ADGRL3: variants seen among roughly 807,000 people sequenced by gnomAD.
ADGRL3 encodes the protein calcium-independent alpha-latrotoxin receptor 3.
ADGRL3 carries 62 observed loss-of-function variants against 153.5 expected under a neutral mutation model. The ratio of observed to expected loss-of-function variants is 0.40; its 90% CI spans 0.33 to 0.50. The LOEUF is 0.50. Ranked by LOEUF, ADGRL3 falls within the 20% of genes least tolerant of loss-of-function variation. The pLI, the probability that ADGRL3 is intolerant of heterozygous loss-of-function variation, is 0.47. For missense variants in ADGRL3, 1,641 were observed against 1,859.4 expected, an observed-to-expected ratio of 0.88 and a Z score of 2.16; for synonymous variants, 710 against 672.5, an observed-to-expected ratio of 1.06 and a Z score of -0.86.
At position 62,070,932 on chromosome 4, in the gene ADGRL3, A is replaced by G; in HGVS notation, c.*24A>G. Reference sequence around the variant, plus strand: ...AGAAGATGACACAGAAATTGGAACCAACAAAACTGCTAACACCTTGTTGAC... The same window carrying G: ...AGAAGATGACACAGAAATTGGAACCGACAAAACTGCTAACACCTTGTTGAC... On this transcript the variant is annotated 3_prime_UTR_variant, in exon 27 of 27. Transcript: ENST00000683033. 6.6e-7 allele frequency: 1 copy of G among 1,515,418 alleles called. No homozygotes were observed. 93.9% of individuals were successfully genotyped at this position (1,515,418 alleles called of 1,614,324 possible).
intron 6 of ADGRL3, among the ~76,000 whole-genome samples, chr4:61,715,134 T>C (rs1351759026): frequency 2.0e-5 from 3 of 152,168 alleles, no homozygotes; most frequent in South Asian, 4.1e-4. Flanking sequence ...AGCTGTAATA[T>C]TGTTGGTCAA....
At chr4:61,789,598 C>T (rs2097317614) in intron 8 of ADGRL3, among the ~76,000 whole-genome samples, 1 of 152,122 alleles carries the variant, frequency 6.6e-6, no homozygotes, top group African/African-American at 2.4e-5. Flanking sequence ...TAATAGGAAA[C>T]TAACCTTTCT....
intron 6 of ADGRL3, among the ~76,000 whole-genome samples, chr4:61,688,317 G>T (rs915751424): frequency 1.3e-5 from 2 of 151,970 alleles, no homozygotes; most frequent in Non-Finnish European, 2.9e-5. Context: ...TTGCCTTACT[G>T]ATTTCCCTCA....
At chr4:61,805,185 G>A (rs546588349) in intron 8 of ADGRL3, among the ~76,000 whole-genome samples, 149 of 151,868 alleles carry the variant, frequency 9.8e-4, no homozygotes, top group African/African-American at 3.4e-3. Flanking sequence ...CTCGTGATCC[G>A]CCCGCCTCGG....
chr4:61,656,512 TA>T (rs748313321), intron 5 of ADGRL3, among the ~76,000 whole-genome samples: 1 of 152,102 alleles, frequency 6.6e-6, no homozygotes, highest in South Asian at 2.1e-4. Flanking sequence ...AAACCACAGG[TA>T]AAAAATGACT....
At chr4:61,972,724 A>G (rs1045318667) in intron 17 of ADGRL3, among the ~76,000 whole-genome samples, 5 of 152,250 alleles carry the variant, frequency 3.3e-5, no homozygotes, top group South Asian at 2.1e-4. Flanking sequence ...TGGGGATGGC[A>G]TTGAATCTAT....
chr4:61,328,459 A>C (rs2095506572), intron 1 of ADGRL3, among the ~76,000 whole-genome samples: 1 of 152,174 alleles, frequency 6.6e-6, no homozygotes, highest in Non-Finnish European at 1.5e-5. Flanking sequence ...TTGCAATGAA[A>C]GGAAAAGGCA....
chr4:61,200,775 A>G lies in ADGRL3; in HGVS notation c.-1230A>G, dbSNP rs1395685879. 2.6e-5 allele frequency among the ~76,000 whole-genome samples: 4 copies of G among 152,120 alleles called. No individual in the cohort carries two copies. Among genetic ancestry groups the G allele is most frequent in the African/African-American group, 9.6e-5 (4 of 41,512 alleles). ...TCGCTCTTGGGGAGTCGAAGAAGAGAAAGAACCGAAGAGACAGCGGCGGCG... is the reference window on the plus strand; with the variant it reads ...TCGCTCTTGGGGAGTCGAAGAAGAGGAAGAACCGAAGAGACAGCGGCGGCG... On this transcript the variant is annotated 5_prime_UTR_variant, in exon 1 of 27. Transcript: ENST00000683033.
intron 9 of ADGRL3, among the ~76,000 whole-genome samples, chr4:61,882,797 T>C (rs1175573275): frequency 6.6e-6 from 1 of 152,228 alleles, no homozygotes; most frequent in Non-Finnish European, 1.5e-5. Flanking sequence ...ACAGTCAGGC[T>C]ATGCTTGACA....
chr4:61,841,133 GT>G, intron 9 of ADGRL3, among the ~76,000 whole-genome samples: 1 of 151,992 alleles, frequency 6.6e-6, no homozygotes, highest in East Asian at 1.9e-4. Context: ...TTCTTTCTTC[GT>G]CTCTTGCCAT....
intron 8 of ADGRL3, among the ~76,000 whole-genome samples, chr4:61,749,873 A>AAATAAG (rs1298326341): frequency 1.3e-5 from 2 of 149,524 alleles, no homozygotes; most frequent in Admixed American, 6.6e-5. Flanking sequence ...AATAAAATAA[A>AAATAAG]AATAAGAATA....
At chr4:62,007,395 CATATATATAT>C (rs112126943) in intron 21 of ADGRL3, among the ~76,000 whole-genome samples, 53 of 76,420 alleles carry the variant, frequency 6.9e-4, no homozygotes, top group Admixed American at 1.7e-3. Context: ...CACACACACA[CATATATATAT>C]ACACGTATAT....
chr4:61,834,743 G>T (rs1007982511), intron 9 of ADGRL3, among the ~76,000 whole-genome samples: 9 of 152,190 alleles, frequency 5.9e-5, no homozygotes, highest in Non-Finnish European at 1.3e-4. Flanking sequence ...TCCAAGGCTT[G>T]CATGACAAAG....
chr4:61,831,089 G>A (rs150217908), intron 9 of ADGRL3, among the ~76,000 whole-genome samples: 7,498 of 150,986 alleles, frequency 0.05, 247 homozygotes, highest in Non-Finnish European at 0.076. Context: ...GGATTTCACC[G>A]TGTTGGCCAG....
intron 4 of ADGRL3, among the ~76,000 whole-genome samples, chr4:61,566,842 C>A (rs2098818321): frequency 6.6e-6 from 1 of 151,868 alleles, no homozygotes; most frequent in African/African-American, 2.4e-5. Context: ...TTAAAGTTTT[C>A]TTTTTTGAAG....
intron 13 of ADGRL3, among the ~76,000 whole-genome samples, chr4:61,914,453 A>AT (rs2098736274): frequency 1.3e-5 from 2 of 152,060 alleles, no homozygotes; most frequent in South Asian, 4.1e-4. Context: ...AAAAACTTGT[A>AT]TTTTTTATGT....
intron 4 of ADGRL3, among the ~76,000 whole-genome samples, chr4:61,527,850 C>A (rs1285721049): frequency 1.3e-5 from 2 of 152,060 alleles, no homozygotes; most frequent in East Asian, 1.9e-4. Context: ...ACTTAAAACC[C>A]TCTCATTGAC....
At chr4:61,710,511 T>G (rs2095952938) in intron 6 of ADGRL3, among the ~76,000 whole-genome samples, 2 of 152,204 alleles carry the variant, frequency 1.3e-5, no homozygotes, top group Admixed American at 6.5e-5. Context: ...TATGCCCAAG[T>G]GGCAAACCAA....
intron 1 of ADGRL3, among the ~76,000 whole-genome samples, chr4:61,265,746 G>A (rs767447271): frequency 5.9e-5 from 9 of 151,804 alleles, no homozygotes; most frequent in Non-Finnish European, 1.3e-4. Context: ...GTAGAGGTTC[G>A]TCATTTCCAG....
Sources: gnomAD v4.1 joint callset for allele counts (sites outside exome capture counted in the v4.1 genomes callset) on GRCh38, gnomAD v4.1.1 for gene constraint, MANE v1.5 for transcripts, NCBI Gene and HGNC (gene_info 2026-07-23, HGNC 2026-07-21) for gene names.